NAALADL2: variants seen among roughly 807,000 people sequenced by gnomAD.
NAALADL2 encodes the protein inactive N-acetylated-alpha-linked acidic dipeptidase-like protein 2.
A neutral mutation model predicts 87.2 loss-of-function variants in NAALADL2; 76 were observed. The ratio of observed to expected loss-of-function variants is 0.87; its 90% CI spans 0.72 to 1.05. NAALADL2 has a LOEUF of 1.05. Ranked by LOEUF, NAALADL2 falls within the 50% of genes least tolerant of loss-of-function variation. NAALADL2 has a pLI of 0.00. For missense variants in NAALADL2, 1,089 were observed against 945.8 expected (o/e 1.15, Z -1.99); for synonymous variants, 354 against 331.0 (o/e 1.07, Z -0.75).
chr3:174,792,906 C>T (rs1193888610), intron 3 of NAALADL2, among the ~76,000 whole-genome samples: 3 of 152,028 alleles, frequency 2.0e-5, no homozygotes, highest in African/African-American at 7.3e-5. Flanking sequence ...TGTTTCACTG[C>T]CAGCTTTAAA....
intron 9 of NAALADL2, among the ~76,000 whole-genome samples, chr3:175,521,153 A>G (rs1430451146): frequency 2.6e-5 from 4 of 151,746 alleles, no homozygotes; most frequent in African/African-American, 9.7e-5. Flanking sequence ...GTATGATGAA[A>G]TATCTACAGA....
At chr3:174,751,875 T>TGC (rs1297838948) in intron 3 of NAALADL2, among the ~76,000 whole-genome samples, 4 of 147,992 alleles carry the variant, frequency 2.7e-5, no homozygotes, top group African/African-American at 1.0e-4. Flanking sequence ...TGTGTGTGTG[T>TGC]GCGCGTGCGC....
chr3:175,302,606 G>A (rs541809561), intron 4 of NAALADL2, among the ~76,000 whole-genome samples: 2 of 152,078 alleles, frequency 1.3e-5, no homozygotes, highest in East Asian at 1.9e-4. Flanking sequence ...TAAATATGCT[G>A]TATTACTAAA....
At chr3:174,891,582 C>G (rs1028251105) in intron 1 of NAALADL2, among the ~76,000 whole-genome samples, 2 of 152,038 alleles carry the variant, frequency 1.3e-5, no homozygotes, top group African/African-American at 4.8e-5. Context: ...CAGCTGACAC[C>G]GCTTACAGAG....
chr3:174,654,273 G>T (rs1724682940), intron 2 of NAALADL2, among the ~76,000 whole-genome samples: 1 of 152,152 alleles, frequency 6.6e-6, no homozygotes, highest in African/African-American at 2.4e-5. Flanking sequence ...AGTTAGTGAA[G>T]TGTACTTGGG....
chr3:175,770,100 C>A (rs1053365214), intron 13 of NAALADL2, among the ~76,000 whole-genome samples: 1 of 152,082 alleles, frequency 6.6e-6, no homozygotes, highest in Non-Finnish European at 1.5e-5. Context: ...ACCTTCACAG[C>A]AACATATGGA....
intron 11 of NAALADL2, among the ~76,000 whole-genome samples, chr3:175,733,967 C>T (rs896302500): frequency 3.9e-5 from 6 of 152,208 alleles, no homozygotes; most frequent in East Asian, 3.9e-4. Flanking sequence ...CAGCTCTGCC[C>T]ATGTGGCTTT....
chr3:174,790,834 A>G (rs1005632574), intron 3 of NAALADL2, among the ~76,000 whole-genome samples: 3 of 152,086 alleles, frequency 2.0e-5, no homozygotes, highest in African/African-American at 7.2e-5. Context: ...CCAAGATTAT[A>G]TTGTCTTATT....
chr3:175,119,114 T>C (rs1270463101), intron 2 of NAALADL2, among the ~76,000 whole-genome samples: 5 of 151,600 alleles, frequency 3.3e-5, no homozygotes, highest in African/African-American at 9.7e-5. Context: ...GTGGTAAATA[T>C]TGAGGCACAA....
chr3:174,711,913 C>T (rs888233745), intron 2 of NAALADL2, among the ~76,000 whole-genome samples: 2 of 152,112 alleles, frequency 1.3e-5, no homozygotes, highest in Non-Finnish European at 2.9e-5. Flanking sequence ...GATTCTCTTG[C>T]CTCAGCCTCC....
intron 6 of NAALADL2, among the ~76,000 whole-genome samples, chr3:175,458,131 TCCTGTG>T (rs1203545055): frequency 2.6e-5 from 4 of 152,182 alleles, no homozygotes; most frequent in Non-Finnish European, 5.9e-5. Flanking sequence ...CTTGTACTTT[TCCTGTG>T]CCAGCTGTTA....
intron 1 of NAALADL2, among the ~76,000 whole-genome samples, chr3:175,023,663 A>G (rs1751852544): frequency 6.6e-6 from 1 of 152,112 alleles, no homozygotes; most frequent in Admixed American, 6.6e-5. Context: ...ATTTTATAAC[A>G]AATATATTTC....
At chr3:174,605,298 T>A (rs1718893495) in intron 2 of NAALADL2, among the ~76,000 whole-genome samples, 1 of 152,094 alleles carries the variant, frequency 6.6e-6, no homozygotes, top group South Asian at 2.1e-4. Context: ...CACTAGGAAG[T>A]GCCAGACAGT....
At chr3:174,486,564 CTT>C (rs1315753689) in intron 1 of NAALADL2, among the ~76,000 whole-genome samples, 4 of 151,978 alleles carry the variant, frequency 2.6e-5, no homozygotes, top group African/African-American at 9.7e-5. Flanking sequence ...ATGTACCTGT[CTT>C]TCTCTCCGCT....
intron 11 of NAALADL2, among the ~76,000 whole-genome samples, chr3:175,668,733 T>C (rs768353293): frequency 6.6e-6 from 1 of 152,168 alleles, no homozygotes; most frequent in Admixed American, 6.5e-5. Flanking sequence ...TACATAAACA[T>C]ATTTTTTCCC....
At chr3:174,931,971 T>G (rs1736964282) in intron 1 of NAALADL2, among the ~76,000 whole-genome samples, 1 of 152,234 alleles carries the variant, frequency 6.6e-6, no homozygotes, top group South Asian at 2.1e-4. Context: ...TTCAAATAAC[T>G]TCAACAATTT....
At chr3:174,869,404 T>C (rs2109596939) in intron 1 of NAALADL2, among the ~76,000 whole-genome samples, 1 of 152,230 alleles carries the variant, frequency 6.6e-6, no homozygotes, top group South Asian at 2.1e-4. Flanking sequence ...AAGGAAAGAA[T>C]GAAAGTGCTC....
At chr3:174,857,524 T>C (rs1560292284), upstream of NAALADL2, among the ~76,000 whole-genome samples, 1 of 152,198 alleles carries the variant, frequency 6.6e-6, no homozygotes. Context: ...GGGGCAGGTC[T>C]GTAAATATAT....
chr3:175,036,463 G>A (rs908595707), intron 1 of NAALADL2, among the ~76,000 whole-genome samples: 6 of 151,160 alleles, frequency 4.0e-5, no homozygotes, highest in South Asian at 4.2e-4. Flanking sequence ...GCAGTGGTGC[G>A]ATCTCAGCTC....
Sources: gnomAD v4.1 joint callset for allele counts (sites outside exome capture counted in the v4.1 genomes callset) on GRCh38, gnomAD v4.1.1 for gene constraint, MANE v1.5 for transcripts, NCBI Gene and HGNC (gene_info 2026-07-23, HGNC 2026-07-21) for gene names.